LNX1: variants seen among roughly 807,000 people sequenced by gnomAD.
LNX1 encodes E3 ubiquitin-protein ligase LNX.
In LNX1, 54 loss-of-function variants were observed where a neutral mutation model predicts 68.4. That is an observed-to-expected ratio of 0.79 (90% CI 0.63 to 0.99). LNX1 has a LOEUF of 0.99. LNX1 is among the 50% of genes least tolerant of loss of function. The pLI is 0.00. For synonymous variants in LNX1, 336 were observed against 350.0 expected, an observed-to-expected ratio of 0.96 and a Z score of 0.45; for missense variants, 906 against 926.4, an observed-to-expected ratio of 0.98 and a Z score of 0.29.
At chr4:53,476,361 C>T (rs753807614) in intron 9 of LNX1, among the ~76,000 whole-genome samples, 1 of 152,128 alleles carries the variant, frequency 6.6e-6, no homozygotes, top group Non-Finnish European at 1.5e-5. Flanking sequence ...AGGGCTGCCA[C>T]TAGCAGATTA....
chr4:53,507,879 C>G, intron 3 of LNX1, 107 bp downstream of exon 3: 1 of 1,414,128 alleles, frequency 7.1e-7, no homozygotes, highest in Non-Finnish European at 9.5e-7. Context: ...ACTACCAGAA[C>G]GATTTCCCCT....
intron 1 of LNX1, among the ~76,000 whole-genome samples, chr4:53,624,797 A>T (rs1734013180): frequency 6.6e-6 from 1 of 152,136 alleles, no homozygotes; most frequent in Non-Finnish European, 1.5e-5. Context: ...AGGCACACAA[A>T]AATTTATTCA....
Position 53,492,584 on chromosome 4 carries a change from C to T in LNX1, c.1350+3439G>A, listed in dbSNP as rs189407468. Reference sequence around the variant, plus strand: ...AGTGGTTTGGTAAAGAGCTCATTCTCTCTGCTGTGCATAGAGTAGGAGAGA... The same window carrying T: ...AGTGGTTTGGTAAAGAGCTCATTCTTTCTGCTGTGCATAGAGTAGGAGAGA... On this transcript the variant is annotated intron_variant, in intron 6 of 10. Coordinates refer to ENST00000263925, the MANE Select transcript of LNX1 (RefSeq NM_001126328.3). Among the ~76,000 whole-genome samples the T allele has an allele frequency of 1.3e-3, 179 of 141,148 alleles. 1 individual carries two copies. The highest frequency in any genetic ancestry group is 5.8e-3 in the South Asian group (26 of 4,456). 92.6% of individuals were successfully genotyped at this position (141,148 alleles called of 152,430 possible).
chr4:53,557,831 C>T, intron 2 of LNX1: 1 of 1,611,110 alleles, frequency 6.2e-7, no homozygotes, highest in African/African-American at 1.3e-5. Flanking sequence ...CCCCAACATA[C>T]TAGGCACATA....
At chr4:53,643,368 TC>T (rs1224649257) in intron 1 of LNX1, among the ~76,000 whole-genome samples, 1 of 152,138 alleles carries the variant, frequency 6.6e-6, no homozygotes, top group African/African-American at 2.4e-5. Context: ...CAGGCTGATC[TC>T]AAACTCCCGG....
chr4:53,526,063 C>G (rs1727587246), intron 2 of LNX1, among the ~76,000 whole-genome samples: 1 of 151,754 alleles, frequency 6.6e-6, no homozygotes, highest in African/African-American at 2.4e-5. Flanking sequence ...AAAGACTTTG[C>G]TTAAAGGAAA....
chr4:53,481,647 A>G (rs1361451143), intron 7 of LNX1, 73 bp downstream of exon 7: 12 of 1,513,756 alleles, frequency 7.9e-6, no homozygotes, highest in African/African-American at 1.4e-5. Context: ...TGACACTTAG[A>G]CATGTTAAAA....
chr4:53,493,471 C>T (rs1724843218), intron 6 of LNX1, among the ~76,000 whole-genome samples: 1 of 152,184 alleles, frequency 6.6e-6, no homozygotes, highest in African/African-American at 2.4e-5. Flanking sequence ...TCCCCTTGTA[C>T]CCTCTGCCTC....
intron 2 of LNX1, among the ~76,000 whole-genome samples, chr4:53,598,035 G>A (rs1219153001): frequency 6.6e-6 from 1 of 152,122 alleles, no homozygotes; most frequent in Non-Finnish European, 1.5e-5. Flanking sequence ...TCTCTGCGAG[G>A]TAAAGTAACT....
At chr4:53,477,190 TA>T (rs1303209069) in intron 8 of LNX1, among the ~76,000 whole-genome samples, 10 of 148,978 alleles carry the variant, frequency 6.7e-5, no homozygotes, top group African/African-American at 2.5e-4. Context: ...TGGGGTTTTC[TA>T]AAGCACAGCT....
At chr4:53,616,038 C>A (rs1304534380) in intron 2 of LNX1, among the ~76,000 whole-genome samples, 2 of 152,108 alleles carry the variant, frequency 1.3e-5, no homozygotes, top group African/African-American at 4.8e-5. Context: ...GCCCTCCCTG[C>A]TCCTCACCAC....
intron 1 of LNX1, among the ~76,000 whole-genome samples, chr4:53,590,154 CAGTA>C (rs1191818915): frequency 6.6e-6 from 1 of 152,112 alleles, no homozygotes; most frequent in African/African-American, 2.4e-5. Context: ...GACCTCCAAA[CAGTA>C]AGACAGAAAT....
chr4:53,521,142 T>G (rs1727187151), intron 2 of LNX1, among the ~76,000 whole-genome samples: 1 of 152,150 alleles, frequency 6.6e-6, no homozygotes. Context: ...GGTGAGGGTT[T>G]CTAGAAGTCA....
chr4:53,470,624 T>G (rs1342496290), intron 9 of LNX1, among the ~76,000 whole-genome samples: 3 of 152,208 alleles, frequency 2.0e-5, no homozygotes, highest in Admixed American at 6.5e-5. Flanking sequence ...CTTAAGCTGA[T>G]AAGCAACTTC....
At position 53,474,258 on chromosome 4, in the gene LNX1, C is replaced by T. The variant is rs147919633; in HGVS notation, c.1892+2495G>A. Among the ~76,000 whole-genome samples, 754 of 152,208 alleles carry T rather than the reference C, an allele frequency of 5.0e-3. 3 individuals are homozygous for T. The highest frequency in any genetic ancestry group is 8.5e-3 in the Non-Finnish European group (578 of 68,020). ...ATGGTACATAGGAGTGTATATGCTA[C>T]CATTGTGTTTGTGTGTATGTGTGTG... On this transcript the variant is annotated intron_variant, in intron 9 of 10. Transcript: ENST00000263925.
At chr4:53,637,118 A>G (rs1015863062) in intron 1 of LNX1, among the ~76,000 whole-genome samples, 1 of 152,118 alleles carries the variant, frequency 6.6e-6, no homozygotes, top group African/African-American at 2.4e-5. Context: ...GATGAGAGGA[A>G]ACCCAATTTG....
intron 9 of LNX1, among the ~76,000 whole-genome samples, chr4:53,463,981 C>T (rs1381964596): frequency 9.9e-5 from 15 of 152,044 alleles, no homozygotes; most frequent in African/African-American, 3.6e-4. Context: ...AGTGCATCAG[C>T]CAAAGCCAGT....
At chr4:53,639,143 A>G (rs1734584434) in intron 1 of LNX1, among the ~76,000 whole-genome samples, 1 of 152,214 alleles carries the variant, frequency 6.6e-6, no homozygotes, top group African/African-American at 2.4e-5. Context: ...ATGAAGTACT[A>G]TGCATCCATG....
At chr4:53,596,256 G>A (rs1732745613), upstream of LNX1, among the ~76,000 whole-genome samples, 1 of 152,206 alleles carries the variant, frequency 6.6e-6, no homozygotes, top group African/African-American at 2.4e-5. Flanking sequence ...CTTACAACCT[G>A]TGTGTTGCCT....
Sources: allele counts gnomAD v4.1 joint callset (sites outside exome capture counted in the v4.1 genomes callset), GRCh38; gene constraint gnomAD v4.1.1; transcripts MANE v1.5; gene names NCBI Gene and HGNC (gene_info 2026-07-23, HGNC 2026-07-21).